Variants in COMMD10 observed in about 807,000 individuals in gnomAD.
The protein encoded by COMMD10 is COMM domain containing 10, also known as COMM domain-containing protein 10.
In COMMD10, 33 loss-of-function variants were observed where a neutral mutation model predicts 28.9. The observed-to-expected ratio is 1.14, with a 90% CI of 0.87 to 1.53. The LOEUF is 1.53. Ranked by LOEUF, COMMD10 falls within the 40% of genes most tolerant of loss-of-function variation. COMMD10 has a pLI of 0.00. For missense variants in COMMD10, 310 were observed against 233.4 expected, an observed-to-expected ratio of 1.33 and a Z score of -2.14; for synonymous variants, 110 against 81.7, an observed-to-expected ratio of 1.35 and a Z score of -1.87.
intron 5 of COMMD10, among the ~76,000 whole-genome samples, chr5:116,237,625 C>T (rs553719776): frequency 2.3e-4 from 35 of 152,036 alleles, no homozygotes; most frequent in African/African-American, 7.2e-4. Context: ...GCCTGGGCAA[C>T]GTATTGAGAC....
intron 5 of COMMD10, among the ~76,000 whole-genome samples, chr5:116,223,820 C>T (rs1749324782): frequency 6.6e-6 from 1 of 152,160 alleles, no homozygotes; most frequent in South Asian, 2.1e-4. Flanking sequence ...TCAAAGGCAA[C>T]ACTTGAAATT....
chr5:116,144,720 G>A (rs906573249), intron 5 of COMMD10, among the ~76,000 whole-genome samples: 1 of 151,832 alleles, frequency 6.6e-6, no homozygotes, highest in African/African-American at 2.4e-5. Context: ...AGACAATTAT[G>A]ATTTCAATAA....
chr5:116,248,077 T>C (rs746253678), intron 5 of COMMD10, among the ~76,000 whole-genome samples: 2 of 151,774 alleles, frequency 1.3e-5, no homozygotes, highest in Non-Finnish European at 2.9e-5. Flanking sequence ...AAGAATCATA[T>C]TCACTGACCA....
At chr5:116,129,780 GTATA>G (rs67652205) in intron 4 of COMMD10, among the ~76,000 whole-genome samples, 4,554 of 46,616 alleles carry the variant, frequency 0.098, 157 homozygotes, top group Non-Finnish European at 0.19. Flanking sequence ...ATATACATTA[GTATA>G]TATATACTAT....
chr5:116,228,832 G>GT (rs1749460270), intron 5 of COMMD10, among the ~76,000 whole-genome samples: 1 of 151,780 alleles, frequency 6.6e-6, no homozygotes, highest in South Asian at 2.1e-4. Context: ...TCTTAATTCA[G>GT]TTTTTTCTTT....
At chr5:116,226,157 T>C (rs1014598912) in intron 5 of COMMD10, among the ~76,000 whole-genome samples, 13 of 152,124 alleles carry the variant, frequency 8.5e-5, no homozygotes, top group African/African-American at 2.9e-4. Context: ...TATGTCTGCA[T>C]TTGAAAGTTT....
intron 5 of COMMD10, among the ~76,000 whole-genome samples, chr5:116,147,571 T>C (rs1450832650): frequency 6.6e-6 from 1 of 151,862 alleles, no homozygotes; most frequent in East Asian, 1.9e-4. Context: ...TAACTGCTAT[T>C]ATGACATCAG....
At chr5:116,280,826 A>G (rs809210) in intron 5 of COMMD10, among the ~76,000 whole-genome samples, 72,154 of 151,588 alleles carry the variant, frequency 0.48, 19,311 homozygotes, top group African/African-American at 0.72. Flanking sequence ...TATAGAGAAT[A>G]TATCTGTAGA....
intron 5 of COMMD10, among the ~76,000 whole-genome samples, chr5:116,285,395 T>G (rs1184384420): frequency 6.6e-6 from 1 of 151,888 alleles, no homozygotes; most frequent in Non-Finnish European, 1.5e-5. Flanking sequence ...CTTTTTATCC[T>G]GCACATCTAA....
At chr5:116,207,951 A>G (rs1435383159) in intron 5 of COMMD10, among the ~76,000 whole-genome samples, 2 of 152,174 alleles carry the variant, frequency 1.3e-5, no homozygotes, top group Non-Finnish European at 1.5e-5. Context: ...AGAGACCTTC[A>G]TATTCCTGCT....
At chr5:116,183,906 G>A (rs1284836979) in intron 5 of COMMD10, among the ~76,000 whole-genome samples, 1 of 152,030 alleles carries the variant, frequency 6.6e-6, no homozygotes, top group Non-Finnish European at 1.5e-5. Flanking sequence ...GAGATTATAT[G>A]TTTCCATGCA....
At chr5:116,167,965 C>G (rs1018253075) in intron 5 of COMMD10, among the ~76,000 whole-genome samples, 4 of 152,154 alleles carry the variant, frequency 2.6e-5, no homozygotes, top group Middle Eastern at 6.8e-3. Context: ...ATAACAGGAT[C>G]AAATTCACAT....
intron 5 of COMMD10, among the ~76,000 whole-genome samples, chr5:116,136,981 G>C (rs1423386494): frequency 6.6e-6 from 1 of 152,026 alleles, no homozygotes; most frequent in Non-Finnish European, 1.5e-5. Flanking sequence ...ACAATAGACA[G>C]ACACATAATG....
chr5:116,100,273 T>C (rs978092971), intron 4 of COMMD10, among the ~76,000 whole-genome samples: 4 of 152,170 alleles, frequency 2.6e-5, no homozygotes, highest in African/African-American at 9.7e-5. Flanking sequence ...GTTTCCTTTG[T>C]TGTGTAGAAG....
intron 4 of COMMD10, among the ~76,000 whole-genome samples, chr5:116,123,237 A>G (rs974027936): frequency 6.6e-6 from 1 of 151,794 alleles, no homozygotes; most frequent in African/African-American, 2.4e-5. Flanking sequence ...TAATACCTCT[A>G]ATACCATCGA....
intron 5 of COMMD10, among the ~76,000 whole-genome samples, chr5:116,184,488 C>T (rs987295041): frequency 1.3e-5 from 2 of 151,924 alleles, no homozygotes; most frequent in Non-Finnish European, 2.9e-5. Context: ...GTTGCAATTT[C>T]ACCTCCACCC....
chr5:116,127,006 A>G (rs952546237), intron 4 of COMMD10, among the ~76,000 whole-genome samples: 8 of 152,228 alleles, frequency 5.3e-5, no homozygotes, highest in African/African-American at 1.7e-4. Context: ...GAATAGGAGA[A>G]AATTTTTACA....
At chr5:116,265,660 T>C (rs900296862) in intron 5 of COMMD10, among the ~76,000 whole-genome samples, 2 of 151,840 alleles carry the variant, frequency 1.3e-5, no homozygotes, top group Non-Finnish European at 2.9e-5. Context: ...TAAAAAATGA[T>C]GATGATGACA....
intron 5 of COMMD10, among the ~76,000 whole-genome samples, chr5:116,135,100 C>A (rs1382085433): frequency 6.6e-6 from 1 of 152,036 alleles, no homozygotes; most frequent in African/African-American, 2.4e-5. Flanking sequence ...AATGGATTAT[C>A]TTTTAAGGTA....
Sources: allele counts gnomAD v4.1 joint callset (sites outside exome capture counted in the v4.1 genomes callset), GRCh38; gene constraint gnomAD v4.1.1; transcripts MANE v1.5; gene names NCBI Gene and HGNC (gene_info 2026-07-23, HGNC 2026-07-21).